Variants in FBXO16 observed in about 807,000 individuals in gnomAD.
The protein encoded by FBXO16 is F-box only protein 16.
In FBXO16, 31 loss-of-function variants were observed where a neutral mutation model predicts 41.0. The ratio of observed to expected loss-of-function variants is 0.76; its 90% CI spans 0.57 to 1.02. The LOEUF is 1.02. FBXO16 is among the 50% of genes least tolerant of loss of function. The probability of loss-of-function intolerance (pLI) is 0.00; values close to 1 mark genes in which losing one functional copy is unlikely to be tolerated. For missense variants in FBXO16, 361 were observed against 346.2 expected (o/e 1.04, Z -0.34); for synonymous variants, 133 against 117.8 (o/e 1.13, Z -0.84).
intron 7 of FBXO16, among the ~76,000 whole-genome samples, chr8:28,430,138 T>A (rs1269640734): frequency 6.6e-6 from 1 of 152,224 alleles, no homozygotes; most frequent in East Asian, 1.9e-4. Context: ...AGTGGCATAA[T>A]CACAGCTCAC....
At chr8:28,430,526 G>A (rs1443490183) in intron 7 of FBXO16, among the ~76,000 whole-genome samples, 1 of 152,218 alleles carries the variant, frequency 6.6e-6, no homozygotes, top group Non-Finnish European at 1.5e-5. Flanking sequence ...AGAGATGGGA[G>A]TAAATAATCT....
At chr8:28,459,666 A>G (rs1419079426) in intron 4 of FBXO16, among the ~76,000 whole-genome samples, 1 of 145,426 alleles carries the variant, frequency 6.9e-6, no homozygotes, top group Admixed American at 6.9e-5. Context: ...TAATAATAAT[A>G]ATGCATCATA....
chr8:28,430,629 A>T (rs889878957), intron 7 of FBXO16, among the ~76,000 whole-genome samples: 1 of 152,226 alleles, frequency 6.6e-6, no homozygotes, highest in Admixed American at 6.5e-5. Flanking sequence ...AAGAAAATAA[A>T]CAGGAAGCTT....
chr8:28,440,454 A>G (rs374464395), intron 7 of FBXO16, among the ~76,000 whole-genome samples: 7 of 152,162 alleles, frequency 4.6e-5, no homozygotes, highest in Non-Finnish European at 8.8e-5. Flanking sequence ...GTGACTACTC[A>G]TTAGTGGTAC....
At chr8:28,479,900 CTT>C (rs1361555014) in intron 2 of FBXO16, among the ~76,000 whole-genome samples, 11 of 142,610 alleles carry the variant, frequency 7.7e-5, no homozygotes, top group Non-Finnish European at 7.7e-5. Context: ...TTTTATTTTA[CTT>C]TTTTTTTTTT....
At chr8:28,441,653 T>C (rs1016115040) in intron 7 of FBXO16, among the ~76,000 whole-genome samples, 1 of 150,666 alleles carries the variant, frequency 6.6e-6, no homozygotes, top group African/African-American at 2.4e-5. Flanking sequence ...GGAGAATCGC[T>C]TGAACCTGGG....
chr8:28,465,341 G>A (rs777896621), intron 3 of FBXO16: 3 of 441,842 alleles, frequency 6.8e-6, no homozygotes, highest in Non-Finnish European at 1.4e-5. Flanking sequence ...AGGAGAAATA[G>A]GCCCCGTGTG....
intron 7 of FBXO16, among the ~76,000 whole-genome samples, chr8:28,437,516 C>T (rs1297477396): frequency 6.6e-6 from 1 of 152,182 alleles, no homozygotes; most frequent in African/African-American, 2.4e-5. Flanking sequence ...GTGCACATAG[C>T]ACATAATCCA....
intron 4 of FBXO16, among the ~76,000 whole-genome samples, chr8:28,461,115 C>T (rs972095071): frequency 1.4e-5 from 2 of 146,906 alleles, no homozygotes; most frequent in African/African-American, 5.1e-5. Flanking sequence ...AATGACGCGT[C>T]GTGGAGATAG....
chr8:28,443,308 G>C (rs1802809101), intron 7 of FBXO16, among the ~76,000 whole-genome samples: 1 of 152,166 alleles, frequency 6.6e-6, no homozygotes, highest in African/African-American at 2.4e-5. Context: ...ACAGGTATGA[G>C]CCACTGCCCC....
At chr8:28,486,281 A>G (rs1439630789) in intron 1 of FBXO16, among the ~76,000 whole-genome samples, 2 of 147,888 alleles carry the variant, frequency 1.4e-5, no homozygotes, top group Non-Finnish European at 3.0e-5. Flanking sequence ...CTGGAGTGCA[A>G]TGGTGCGATC....
chr8:28,450,212 G>A (rs2130121652), intron 6 of FBXO16, among the ~76,000 whole-genome samples: 1 of 152,224 alleles, frequency 6.6e-6, no homozygotes, highest in African/African-American at 2.4e-5. Context: ...AGACTATTCA[G>A]TGGGGCAAAG....
intron 3 of FBXO16, among the ~76,000 whole-genome samples, chr8:28,470,076 C>T (rs1237149445): frequency 6.6e-6 from 1 of 151,114 alleles, no homozygotes; most frequent in African/African-American, 2.4e-5. Flanking sequence ...CACCTGTAGT[C>T]CCAGCTACTC....
chr8:28,486,105 CAAA>C (rs34817606), intron 1 of FBXO16, among the ~76,000 whole-genome samples: 13 of 128,160 alleles, frequency 1.0e-4, no homozygotes, highest in Non-Finnish European at 1.4e-4. Flanking sequence ...GACTCTGTCT[CAAA>C]AAAAAAAAAA....
intron 7 of FBXO16, among the ~76,000 whole-genome samples, chr8:28,431,197 C>T (rs1268473112): frequency 1.3e-5 from 2 of 152,132 alleles, no homozygotes; most frequent in African/African-American, 2.4e-5. Context: ...CCCTTTTCAC[C>T]ATGGCAGGCC....
Position 28,447,161 on chromosome 8 carries a change from C to G in FBXO16, c.843+10G>C, listed in dbSNP as rs939348424. 5.0e-6 allele frequency: 8 copies of G among 1,604,220 alleles called. No individual in the cohort carries two copies. The highest frequency in any genetic ancestry group is 4.3e-6 in the Non-Finnish European group (5 of 1,173,714). On this transcript the variant is annotated intron_variant, in intron 7 of 8. Transcript: ENST00000380254. ...GTTATGGTGATGAATCTTTCATAAA[C>G]AATACTTACCATTGATTGTGCTTTT...
chr8:28,442,682 C>T (rs1802799314), intron 7 of FBXO16, among the ~76,000 whole-genome samples: 1 of 152,144 alleles, frequency 6.6e-6, no homozygotes, highest in African/African-American at 2.4e-5. Context: ...CCTCGCCCAG[C>T]CCATCTTTCA....
chr8:28,454,169 A>G (rs1307610292), intron 5 of FBXO16, among the ~76,000 whole-genome samples: 8 of 151,914 alleles, frequency 5.3e-5, no homozygotes, highest in Admixed American at 4.6e-4. Context: ...TATTTATTCA[A>G]TGAATGACTG....
At position 28,447,101 on chromosome 8, in the gene FBXO16, C is replaced by T. The variant is rs1254194922; in HGVS notation, c.843+70G>A. On this transcript the variant is annotated intron_variant, in intron 7 of 8. Coordinates refer to ENST00000380254, the MANE Select transcript of FBXO16 (RefSeq NM_172366.4). ...GATTAAATAAATGAATTCAATTTTGCAAATAGGATTAGAGATCTGGAGATT... is the reference window on the plus strand; with the variant it reads ...GATTAAATAAATGAATTCAATTTTGTAAATAGGATTAGAGATCTGGAGATT... 4 of 1,395,094 alleles carry T rather than the reference C, an allele frequency of 2.9e-6. No individual in the cohort carries two copies. The African/African-American group carries it at 5.8e-5, about 20-fold the overall frequency. 86.4% of individuals were successfully genotyped at this position (1,395,094 alleles called of 1,614,324 possible).
Sources: allele counts gnomAD v4.1 joint callset (sites outside exome capture counted in the v4.1 genomes callset), GRCh38; gene constraint gnomAD v4.1.1; transcripts MANE v1.5; gene names NCBI Gene and HGNC (gene_info 2026-07-23, HGNC 2026-07-21).